The following TF variants were observed in gnomAD, a reference collection of about 807,000 sequenced individuals.
TF encodes serotransferrin.
TF carries 55 observed loss-of-function variants against 82.4 expected under a neutral mutation model. The ratio of observed to expected loss-of-function variants is 0.67; its 90% CI spans 0.54 to 0.84. The LOEUF is 0.84. Ranked by LOEUF, TF falls within the 40% of genes least tolerant of loss-of-function variation. TF has a pLI of 0.00. For synonymous variants in TF, 332 were observed against 332.6 expected (o/e 1.00, Z 0.02); for missense variants, 737 against 868.4 (o/e 0.85, Z 1.90).
the TF span, among the ~76,000 whole-genome samples, chr3:133,698,355 C>T: frequency 1.3e-5 from 2 of 152,240 alleles, no homozygotes; most frequent in Non-Finnish European, 1.5e-5. Context: ...CATCTGTATT[C>T]GTTTTCTAGG....
At position 133,786,756 on chromosome 3, in the gene TF, G is replaced by A. The variant is rs1469708804; in HGVS notation, c.*8136G>A. On this transcript the variant is annotated 3_prime_UTR_variant, in exon 17 of 17. Coordinates refer to ENST00000402696, the MANE Select transcript of TF (RefSeq NM_001063.4). ...TAGGCCAGAATGTTCATACTTGGAA[G>A]ACTCAGTCATAACTGTTTTTACATG... 6.6e-6 allele frequency: 1 copy of A among 152,230 alleles called. No individual in the cohort carries two copies. The highest frequency in any genetic ancestry group is 1.9e-4 in the East Asian group (1 of 5,204). The allele number at this position is 152,230 out of a possible 1,614,324, so 9.4% of individuals were successfully genotyped here. A position where few individuals can be genotyped will look rare whatever the true frequency, so the allele number is the denominator to read the frequency against.
Position 133,757,834 on chromosome 3 carries a change from G to T in TF, c.936G>T (p.Leu312=). 6.2e-7 allele frequency: 1 copy of T among 1,614,240 alleles called. No individual in the cohort carries two copies. The highest frequency in any genetic ancestry group is 8.5e-7 in the Non-Finnish European group (1 of 1,180,038). The change falls in exon 8 of 17, where the codon CTG becomes CTT. Residue 312 remains leucine, a synonymous_variant. Coordinates refer to ENST00000402696, the MANE Select transcript of TF (RefSeq NM_001063.4). ...TCAGCTCTCCTCATGGGAAGGACCT[G>T]CTGTTTAAGGACTCTGCCCACGGGT... The part of the protein sequence containing the change: ...QLFSSPHGKD[L]LFKDSAHGFL...
intron 13 of TF, 104 bp from the exon 14 acceptor site, chr3:133,770,404 C>T (rs1934231153): frequency 7.1e-6 from 7 of 991,192 alleles, no homozygotes; most frequent in Non-Finnish European, 1.1e-5. Flanking sequence ...GTTACAGTTG[C>T]TGTTTTCAGA....
At chr3:133,671,795 GAAA>G in the TF span, among the ~76,000 whole-genome samples, 3 of 54,488 alleles carry the variant, frequency 5.5e-5, no homozygotes, top group Non-Finnish European at 8.6e-5. Flanking sequence ...TCTGTCAAAA[GAAA>G]AAAAAAAAAA....
chr3:133,707,642 T>C, the TF span: 7 of 152,188 alleles, frequency 4.6e-5, no homozygotes, highest in African/African-American at 1.7e-4. Flanking sequence ...TTTGAATTTG[T>C]AGAGACCTGA....
chr3:133,733,252 T>G, the TF span, among the ~76,000 whole-genome samples: 1 of 148,026 alleles, frequency 6.8e-6, no homozygotes, highest in Admixed American at 6.8e-5. Flanking sequence ...GCATCTACTA[T>G]CTCACCTGGG....
In TF at chr3:133,789,659, C is replaced by T. The variant is rs528770351; in HGVS notation, c.*11039C>T. On this transcript the variant is annotated 3_prime_UTR_variant, in exon 17 of 17. Coordinates refer to ENST00000402696, the MANE Select transcript of TF (RefSeq NM_001063.4). ...GCACTCATAAATTAAGTAAATAAGT[C>T]GAAGCAATTTTCAAGTTCACATGAC... The T allele has an allele frequency of 7.9e-5, 12 of 152,216 alleles. No homozygotes were observed. The highest frequency in any genetic ancestry group is 3.9e-4 in the Admixed American group (6 of 15,284). The allele number at this position is 152,216 out of a possible 1,614,324, so 9.4% of individuals were successfully genotyped here.
At position 133,784,425 on chromosome 3, in the gene TF, A is replaced by G. The variant is rs933794857; in HGVS notation, c.*5805A>G. 6.6e-6 allele frequency: 1 copy of G among 150,912 alleles called. No individual in the cohort carries two copies. Among genetic ancestry groups the G allele is most frequent in the Non-Finnish European group, 1.5e-5 (1 of 67,800 alleles). 9.3% of individuals were successfully genotyped at this position (150,912 alleles called of 1,614,324 possible). Reference sequence around the variant, plus strand: ...AGGTGTAAAGAGGTTGTGACTTATGATAGAGTTAGAAAATCACACATCTTG... The same window carrying G: ...AGGTGTAAAGAGGTTGTGACTTATGGTAGAGTTAGAAAATCACACATCTTG... On this transcript the variant is annotated 3_prime_UTR_variant, in exon 17 of 17. Coordinates refer to ENST00000402696, the MANE Select transcript of TF (RefSeq NM_001063.4).
chr3:133,687,695 T>C, the TF span, among the ~76,000 whole-genome samples: 1 of 152,256 alleles, frequency 6.6e-6, no homozygotes, highest in Admixed American at 6.5e-5. Flanking sequence ...TAGCCTTTTG[T>C]GTCTGGCTCC....
chr3:133,703,826 G>T, the TF span, among the ~76,000 whole-genome samples: 1 of 152,198 alleles, frequency 6.6e-6, no homozygotes, highest in African/African-American at 2.4e-5. Flanking sequence ...GTGCTAGTGG[G>T]ATTATGGGAA....
At chr3:133,691,153 T>G in the TF span, among the ~76,000 whole-genome samples, 1 of 152,194 alleles carries the variant, frequency 6.6e-6, no homozygotes, top group Admixed American at 6.5e-5. Flanking sequence ...ATAAAAAGAA[T>G]GATTTCCATG....
the TF span, among the ~76,000 whole-genome samples, chr3:133,734,599 G>T: frequency 1.3e-5 from 2 of 152,066 alleles, no homozygotes; most frequent in African/African-American, 4.8e-5. Flanking sequence ...TGAAGAAAGG[G>T]AAGTTCTTCC....
the TF span, among the ~76,000 whole-genome samples, chr3:133,708,613 G>A: frequency 6.6e-6 from 1 of 151,506 alleles, no homozygotes; most frequent in East Asian, 1.9e-4. Context: ...TAGTATCTTG[G>A]CACCCCTTCC....
the TF span, among the ~76,000 whole-genome samples, chr3:133,680,452 G>A: frequency 6.6e-6 from 1 of 151,912 alleles, no homozygotes; most frequent in Admixed American, 6.6e-5. Flanking sequence ...CAATCCTTCA[G>A]CCTCAACCTC....
chr3:133,687,978 CTG>C, the TF span, among the ~76,000 whole-genome samples: 1 of 151,814 alleles, frequency 6.6e-6, no homozygotes, highest in Non-Finnish European at 1.5e-5. Flanking sequence ...TATGCTAATT[CTG>C]TGTTTAACTT....
chr3:133,730,794 C>T, the TF span, among the ~76,000 whole-genome samples: 1 of 152,196 alleles, frequency 6.6e-6, no homozygotes, highest in Admixed American at 6.5e-5. Flanking sequence ...GCATTCATAG[C>T]TTCAGTTCAG....
chr3:133,746,273 A>G, upstream of TF: 2 of 728,734 alleles, frequency 2.7e-6, no homozygotes, highest in South Asian at 3.2e-5. Flanking sequence ...CGAGTAAGGA[A>G]GGGGGGTTGG....
chr3:133,720,807 T>A, the TF span, among the ~76,000 whole-genome samples: 1 of 152,124 alleles, frequency 6.6e-6, no homozygotes, highest in African/African-American at 2.4e-5. Flanking sequence ...TTCTATTTCT[T>A]CTTAATTTAA....
the TF span, among the ~76,000 whole-genome samples, chr3:133,725,242 T>C: frequency 0.11 from 17,341 of 152,192 alleles, 1,237 homozygotes; most frequent in Non-Finnish European, 0.15. Flanking sequence ...TAAATTACCT[T>C]GGGCAGTATG....
Sources: gnomAD v4.1 joint callset for allele counts (sites outside exome capture counted in the v4.1 genomes callset) on GRCh38, gnomAD v4.1.1 for gene constraint, MANE v1.5 for transcripts, NCBI Gene and HGNC (gene_info 2026-07-23, HGNC 2026-07-21) for gene names.